FGF6: variants seen among roughly 807,000 people sequenced by gnomAD.
The protein encoded by FGF6 is fibroblast growth factor 6.
FGF6 carries 14 observed loss-of-function variants against 18.4 expected under a neutral mutation model. The ratio of observed to expected loss-of-function variants is 0.76; its 90% CI spans 0.50 to 1.19. FGF6 has a LOEUF of 1.19. FGF6 is among the 50% of genes most tolerant of loss of function. The pLI is 0.00. For synonymous variants in FGF6, 125 were observed against 116.7 expected (o/e 1.07, Z -0.46); for missense variants, 266 against 271.6 (o/e 0.98, Z 0.15).
rs540742428 is a variant in FGF6 at position 4,437,850 on chromosome 12, G to A, written c.451-3459C>T. On this transcript the variant is annotated intron_variant, in intron 2 of 2. Transcript: ENST00000228837. ...TAAAGATTCAAATGTAAAAAAAAAA[G>A]AACCATTAAAATCCAGAAAAAGTTT... 1.2e-3 allele frequency among the ~76,000 whole-genome samples: 180 copies of A among 150,528 alleles called. 1 individual carries two copies. The highest frequency in any genetic ancestry group is 4.1e-3 in the African/African-American group (170 of 41,066).
chr12:4,444,282 A>C, intron 1 of FGF6, 46 bp from the exon 2 acceptor site: 2 of 1,365,628 alleles, frequency 1.5e-6, no homozygotes, highest in Non-Finnish European at 2.1e-6. Context: ...TGTGCAAATC[A>C]GAGTGGGAAC....
At chr12:4,437,169 G>A (rs910827636) in intron 2 of FGF6, among the ~76,000 whole-genome samples, 10 of 151,164 alleles carry the variant, frequency 6.6e-5, no homozygotes, top group Non-Finnish European at 8.8e-5. Flanking sequence ...TTGAAATTAT[G>A]CATGGAAAGT....
intron 2 of FGF6, among the ~76,000 whole-genome samples, chr12:4,439,617 C>T (rs769698659): frequency 2.6e-5 from 4 of 151,632 alleles, no homozygotes; most frequent in Admixed American, 6.6e-5. Flanking sequence ...TCTGGTCATT[C>T]GATTTTGGAT....
chr12:4,441,610 A>C (rs1366826953), intron 2 of FGF6, among the ~76,000 whole-genome samples: 1 of 152,088 alleles, frequency 6.6e-6, no homozygotes, highest in African/African-American at 2.4e-5. Context: ...AGCCACTTCT[A>C]GCCAGGTTTC....
chr12:4,439,740 T>C (rs944865806), intron 2 of FGF6, among the ~76,000 whole-genome samples: 1 of 151,990 alleles, frequency 6.6e-6, no homozygotes, highest in Non-Finnish European at 1.5e-5. Context: ...CTAGCCTGTC[T>C]CATATCCCTG....
chr12:4,443,906 G>A lies in FGF6; in HGVS notation c.450+227C>T, dbSNP rs144541113. 1.8e-3 allele frequency among the ~76,000 whole-genome samples: 280 copies of A among 152,232 alleles called. 1 individual carries two copies. The highest frequency in any genetic ancestry group is 6.2e-3 in the African/African-American group (259 of 41,552). Reference sequence around the variant, plus strand: ...GTTTCCGTTTAAGCACACGGGCTCCGGCCGGCAGGTGGGAACAGAAGAAGC... The same window carrying A: ...GTTTCCGTTTAAGCACACGGGCTCCAGCCGGCAGGTGGGAACAGAAGAAGC... On this transcript the variant is annotated intron_variant, in intron 2 of 2. Transcript: ENST00000228837.
chr12:4,440,950 A>C (rs931223593), intron 2 of FGF6, among the ~76,000 whole-genome samples: 1 of 152,198 alleles, frequency 6.6e-6, no homozygotes, highest in Admixed American at 6.5e-5. Context: ...CCCCAATGTA[A>C]TGCCCCAGAT....
At chr12:4,436,699 G>A (rs1347554495) in intron 2 of FGF6, among the ~76,000 whole-genome samples, 2 of 152,194 alleles carry the variant, frequency 1.3e-5, no homozygotes, top group Admixed American at 1.3e-4. Context: ...TGTGATGTGA[G>A]CGTGGGTGAG....
At chr12:4,441,136 G>T (rs1033350180) in intron 2 of FGF6, among the ~76,000 whole-genome samples, 1 of 152,208 alleles carries the variant, frequency 6.6e-6, no homozygotes, top group African/African-American at 2.4e-5. Context: ...GATTCTAATA[G>T]AACCACTGTC....
intron 2 of FGF6, among the ~76,000 whole-genome samples, chr12:4,435,137 C>T (rs1399286971): frequency 6.6e-6 from 1 of 152,134 alleles, no homozygotes; most frequent in Non-Finnish European, 1.5e-5. Flanking sequence ...ACCTCCTAGA[C>T]CAGGGGTCCC....
Position 4,445,404 on chromosome 12 carries a change from G to T in FGF6, c.167C>A (p.Thr56Asn), listed in dbSNP as rs575676359. Residue 56 changes from threonine to asparagine, a missense_variant, in exon 1 of 3, where the codon ACC becomes AAC. Coordinates refer to ENST00000228837, the MANE Select transcript of FGF6 (RefSeq NM_020996.3). The surrounding 1 kb of genome is among the most constrained non-coding windows in gnomAD (Gnocchi z 5.5). ...NTLLDSRGWG[T>N]LLSRSRAGLA... ...CCCGGCGCGAGACCTGGACAGCAGG[G>T]TGCCCCAGCCCCTCGAGTCCAGCAG... The T allele has an allele frequency of 5.3e-5, 86 of 1,613,592 alleles. 1 individual carries two copies. In the South Asian group the frequency reaches 8.6e-4, roughly 16 times the overall value.
chr12:4,434,519 G>A (rs755957278), intron 2 of FGF6, 128 bp from the exon 3 acceptor site: 110 of 825,196 alleles, frequency 1.3e-4, no homozygotes, highest in African/African-American at 1.1e-3. Flanking sequence ...GACAACCACC[G>A]TGAGGTCTGA....
Position 4,434,579 on chromosome 12 carries a change from A to G in FGF6, c.451-188T>C, listed in dbSNP as rs17177367. On this transcript the variant is annotated intron_variant, in intron 2 of 2. Transcript: ENST00000228837. ...AAAGGTTAGGATGGGAAGAGGCTGCAGGCTCTCATGGTTTCCTCTCACCTT... is the reference window on the plus strand; with the variant it reads ...AAAGGTTAGGATGGGAAGAGGCTGCGGGCTCTCATGGTTTCCTCTCACCTT... Among the ~76,000 whole-genome samples, 15 of 152,212 alleles carry G rather than the reference A, an allele frequency of 9.9e-5. No homozygotes were observed. The East Asian group carries it at 2.5e-3, about 26-fold the overall frequency.
chr12:4,443,959 G>A (rs146148816), intron 2 of FGF6, among the ~76,000 whole-genome samples, 174 bp downstream of exon 2: 365 of 152,308 alleles, frequency 2.4e-3, no homozygotes, highest in Non-Finnish European at 4.2e-3. Flanking sequence ...ACAATCACCC[G>A]TGAGGCTGAA....
intron 2 of FGF6, among the ~76,000 whole-genome samples, chr12:4,440,092 A>G (rs1406194964): frequency 1.3e-5 from 2 of 152,210 alleles, no homozygotes; most frequent in Non-Finnish European, 1.5e-5. Context: ...AGTGAACGCC[A>G]TGTTCATAAA....
chr12:4,437,133 T>C (rs1865636885), intron 2 of FGF6, among the ~76,000 whole-genome samples: 1 of 150,536 alleles, frequency 6.6e-6, no homozygotes, highest in Non-Finnish European at 1.5e-5. Flanking sequence ...AGAAAAATTG[T>C]GTCATAGAAC....
chr12:4,436,464 T>TAA (rs35981180), intron 2 of FGF6, among the ~76,000 whole-genome samples: 2 of 140,896 alleles, frequency 1.4e-5, no homozygotes, highest in African/African-American at 2.6e-5. Flanking sequence ...TACAAAAGCT[T>TAA]AAAAAAAAAA....
At chr12:4,435,197 G>A (rs1049623193) in intron 2 of FGF6, among the ~76,000 whole-genome samples, 1 of 152,088 alleles carries the variant, frequency 6.6e-6, no homozygotes, top group Non-Finnish European at 1.5e-5. Context: ...TACCCGTGCG[G>A]GACCTGGGCT....
At chr12:4,434,524 G>A in intron 2 of FGF6, 133 bp from the exon 3 acceptor site, 4 of 777,190 alleles carry the variant, frequency 5.1e-6, no homozygotes, top group Non-Finnish European at 8.8e-6. Flanking sequence ...CCACCGTGAG[G>A]TCTGAGCATC....
Sources: gnomAD v4.1 joint callset for allele counts (sites outside exome capture counted in the v4.1 genomes callset) on GRCh38, gnomAD v4.1.1 for gene constraint, Gnocchi (gnomAD v3.1) non-coding constraint, MANE v1.5 for transcripts, NCBI Gene and HGNC (gene_info 2026-07-23, HGNC 2026-07-21) for gene names.